Variants in DGKZ observed in about 807,000 individuals in gnomAD.
The protein encoded by DGKZ is diacylglycerol kinase zeta.
Under a neutral mutation model 142.5 loss-of-function variants are expected in DGKZ, and 45 were observed. The observed-to-expected ratio is 0.32, with a 90% CI of 0.25 to 0.40. The LOEUF (loss-of-function observed/expected upper bound fraction) is 0.40. Ranked by LOEUF, DGKZ falls within the 10% of genes least tolerant of loss-of-function variation. The pLI, the probability that DGKZ is intolerant of heterozygous loss-of-function variation, is 1.00. For missense variants in DGKZ, 755 were observed against 1,306.5 expected (o/e 0.58, Z 6.51); for synonymous variants, 442 against 527.0 (o/e 0.84, Z 2.21).
At chr11:46,333,689 C>T (rs913930493) in intron 1 of DGKZ, among the ~76,000 whole-genome samples, 3 of 152,136 alleles carry the variant, frequency 2.0e-5, no homozygotes, top group African/African-American at 7.2e-5. Flanking sequence ...CCGTGAAAGC[C>T]GTATTCATCC....
In DGKZ at chr11:46,342,164, G is replaced by A. The variant is rs556005368; in HGVS notation, c.212+8677G>A. ...TTCTTCTTCCTGTGTGTACCTGGGT[G>A]GATTCTGAGGGGTCCCCAGCTTCCC... On this transcript the variant is annotated intron_variant, in intron 1 of 30. Coordinates refer to the DGKZ transcript ENST00000343674. 5.9e-5 allele frequency among the ~76,000 whole-genome samples: 9 copies of A among 152,306 alleles called. No homozygotes were observed. In the South Asian group the frequency reaches 1.0e-3, roughly 18 times the overall value.
At chr11:46,335,765 A>T (rs1198922423) in intron 1 of DGKZ, among the ~76,000 whole-genome samples, 1 of 152,236 alleles carries the variant, frequency 6.6e-6, no homozygotes, top group East Asian at 1.9e-4. Context: ...TAGAGGACAG[A>T]CAGACAAGCC....
At chr11:46,364,524 C>G (rs1224917958) in intron 1 of DGKZ, 3 of 1,208,446 alleles carry the variant, frequency 2.5e-6, no homozygotes, top group Non-Finnish European at 3.2e-6. Context: ...CCTGACCTCC[C>G]TGTCATCTGA....
intron 1 of DGKZ, among the ~76,000 whole-genome samples, chr11:46,361,249 G>T (rs981374596): frequency 6.6e-6 from 1 of 152,206 alleles, no homozygotes; most frequent in African/African-American, 2.4e-5. Flanking sequence ...GCTAAATAGG[G>T]GGCATTAGTG....
chr11:46,345,435 G>A, upstream of DGKZ: 1 of 1,465,900 alleles, frequency 6.8e-7, no homozygotes, highest in South Asian at 1.4e-5. This position sits in a 1 kb window ranked among gnomAD's most constrained non-coding sequence, Gnocchi z 4.1. Flanking sequence ...GCTGGCCACA[G>A]TGCCGGGGGA....
At chr11:46,377,243 C>A (rs915302941) in intron 25 of DGKZ, 31 bp downstream of exon 25, 5 of 1,547,662 alleles carry the variant, frequency 3.2e-6, no homozygotes, top group Non-Finnish European at 4.4e-6. Context: ...CCTCCAGCCC[C>A]TGGCTTTCAG....
chr11:46,375,140 C>A, intron 19 of DGKZ, 95 bp downstream of exon 19: 1 of 1,155,972 alleles, frequency 8.7e-7, no homozygotes, highest in Non-Finnish European at 1.2e-6. Context: ...CGGCCTAGTT[C>A]ACCCTCACCT....
chr11:46,361,763 T>G, intron 1 of DGKZ: 2 of 761,122 alleles, frequency 2.6e-6, no homozygotes, highest in Non-Finnish European at 3.2e-6. Context: ...TGTATCTGGC[T>G]GGGTGGGTGC....
intron 5 of DGKZ, 91 bp downstream of exon 5, chr11:46,369,641 G>A (rs980817881): frequency 9.9e-6 from 15 of 1,512,094 alleles, no homozygotes; most frequent in East Asian, 6.8e-5. Flanking sequence ...CAGGGGGCTC[G>A]GCTCCCTCTA....
At chr11:46,349,275 C>T (rs1483538268) in intron 1 of DGKZ, among the ~76,000 whole-genome samples, 1 of 152,210 alleles carries the variant, frequency 6.6e-6, no homozygotes, top group Non-Finnish European at 1.5e-5. Context: ...CACAGCCCTG[C>T]AAGATGGAGC....
At chr11:46,379,167 G>A in intron 28 of DGKZ, 36 bp from the exon 29 acceptor site, 1 of 1,612,382 alleles carries the variant, frequency 6.2e-7, no homozygotes. Context: ...AGGAGGGGCT[G>A]CCAGGCCTCT....
At chr11:46,336,086 A>C (rs1223730985) in intron 1 of DGKZ, among the ~76,000 whole-genome samples, 1 of 152,232 alleles carries the variant, frequency 6.6e-6, no homozygotes, top group Non-Finnish European at 1.5e-5. Context: ...TGGGGGCAAA[A>C]AAATCTGAGG....
At position 46,365,221 on chromosome 11, in the gene DGKZ, G is replaced by T. The variant is rs561529482; in HGVS notation, c.162-2070G>T. 1.1e-5 allele frequency: 11 copies of T among 985,436 alleles called. No individual in the cohort carries two copies. In the African/African-American group the frequency reaches 1.7e-4, roughly 16 times the overall value. The allele number at this position is 985,436 out of a possible 1,614,324, so 61.0% of individuals were successfully genotyped here. A position where few individuals can be genotyped will look rare whatever the true frequency, so the allele number is the denominator to read the frequency against. On this transcript the variant is annotated intron_variant, in intron 1 of 30. Transcript: ENST00000527911. ...CCTGCAGGAGGGAGCTCTGGGCTGT[G>T]CAGCGTTTGGAATTGTGAGTATGGG...
intron 19 of DGKZ, 37 bp downstream of exon 19, chr11:46,375,082 A>G (rs769817769): frequency 6.5e-7 from 1 of 1,529,566 alleles, no homozygotes; most frequent in Admixed American, 2.0e-5. Flanking sequence ...CTGGGAGCAC[A>G]GCCCAAAGGT....
chr11:46,345,360 C>A, upstream of DGKZ: 1 of 1,397,694 alleles, frequency 7.2e-7, no homozygotes, highest in Non-Finnish European at 9.2e-7. The surrounding 1 kb of genome is among the most constrained non-coding windows in gnomAD (Gnocchi z 4.1). Flanking sequence ...CCCCCCTCGA[C>A]CCCACCCCCG....
chr11:46,333,438 G>T, exon 1 of DGKZ: 1 of 1,534,070 alleles, frequency 6.5e-7, no homozygotes. Context: ...TGGGCCCCCG[G>T]TGGAGGAGCG....
chr11:46,364,116 A>T (rs1942994479), intron 1 of DGKZ, among the ~76,000 whole-genome samples: 1 of 152,100 alleles, frequency 6.6e-6, no homozygotes, highest in Admixed American at 6.5e-5. Flanking sequence ...TTCCTACCCC[A>T]TCCCAGCCTC....
chr11:46,352,592 A>G (rs560351432), intron 1 of DGKZ, among the ~76,000 whole-genome samples: 1 of 152,148 alleles, frequency 6.6e-6, no homozygotes, highest in Admixed American at 6.5e-5. Context: ...TTCCAGGGCC[A>G]TGTTCATTAA....
At chr11:46,359,914 G>C (rs529983325) in intron 1 of DGKZ, among the ~76,000 whole-genome samples, 4 of 152,032 alleles carry the variant, frequency 2.6e-5, no homozygotes, top group Non-Finnish European at 4.4e-5. Context: ...CACTGTGCCC[G>C]GCCTGATACG....
Sources: gnomAD v4.1 joint callset for allele counts (sites outside exome capture counted in the v4.1 genomes callset) on GRCh38, gnomAD v4.1.1 for gene constraint, Gnocchi (gnomAD v3.1) non-coding constraint, MANE v1.5 for transcripts, NCBI Gene and HGNC (gene_info 2026-07-23, HGNC 2026-07-21) for gene names.